MOK: variants seen among roughly 807,000 people sequenced by gnomAD.
MOK encodes MOK protein kinase.
In MOK, 59 loss-of-function variants were observed where a neutral mutation model predicts 54.2. The observed-to-expected ratio is 1.09, with a 90% CI of 0.88 to 1.35. MOK has a LOEUF of 1.35. Ranked by LOEUF, MOK falls within the 40% of genes most tolerant of loss-of-function variation. The probability of loss-of-function intolerance (pLI) is 0.00; values close to 1 mark genes in which losing one functional copy is unlikely to be tolerated. For missense variants in MOK, 517 were observed against 526.2 expected (o/e 0.98, Z 0.17); for synonymous variants, 210 against 202.7 (o/e 1.04, Z -0.31).
intron 2 of MOK, among the ~76,000 whole-genome samples, chr14:102,274,540 A>C (rs1042301689): frequency 6.7e-6 from 1 of 149,896 alleles, no homozygotes; most frequent in Non-Finnish European, 1.5e-5. Context: ...TACAGGCGTG[A>C]GAAACTGTGC....
chr14:102,264,132 AC>A (rs1231805682), intron 3 of MOK: 7 of 150,392 alleles, frequency 4.7e-5, no homozygotes, highest in African/African-American at 1.7e-4. Context: ...AATAGCTTAA[AC>A]CCGGGAGGCG....
chr14:102,224,036 GAT>G (rs1491139992), downstream of MOK, among the ~76,000 whole-genome samples: 5 of 139,442 alleles, frequency 3.6e-5, no homozygotes, highest in African/African-American at 1.3e-4. Context: ...GTTTACCTGA[GAT>G]TTTTTTTTTT....
At position 102,245,774 on chromosome 14, in the gene MOK, C is replaced by CA. The variant is rs1362541651; in HGVS notation, c.590+5037dup. ...TTCACATGGACGTGTGTGACACTTA[C>CA]AACCCCTACTGCAGCCAAACTCTCA... is the stretch of plus-strand genomic sequence containing the variant. On this transcript the variant is annotated intron_variant, in intron 7 of 11. Transcript: ENST00000361847. The surrounding 1 kb of genome is among the most constrained non-coding windows in gnomAD (Gnocchi z 4.3). Among the ~76,000 whole-genome samples, 1 of 152,158 alleles carries CA rather than the reference C, an allele frequency of 6.6e-6. No homozygotes were observed. Among genetic ancestry groups the CA allele is most frequent in the Non-Finnish European group, 1.5e-5 (1 of 68,024 alleles).
Position 102,229,549 on chromosome 14 carries a change from A to G in MOK, c.1090T>C (p.Ser364Pro), listed in dbSNP as rs776555918. Residue 364 changes from serine (S) to proline (P), a missense_variant, in exon 11 of 12, where the codon TCC becomes CCC. Ser to Pro is a moderately conservative substitution (Grantham distance 74). Transcript: ENST00000361847. ...LSGVVRLSSYSSPTLQSVLGS... is the reference protein window; with the variant it reads ...LSGVVRLSSYPSPTLQSVLGS... Reference sequence around the variant, plus strand: ...AGCACGGACTGCAGCGTGGGGCTGGAGTAAGACGACAGTCTGACCACTCCC... The same window carrying G: ...AGCACGGACTGCAGCGTGGGGCTGGGGTAAGACGACAGTCTGACCACTCCC... The G allele has an allele frequency of 6.2e-6, 10 of 1,614,154 alleles. No homozygotes were observed. In the South Asian group the frequency reaches 7.7e-5, roughly 12 times the overall value.
chr14:102,244,214 T>C (rs951978807), intron 7 of MOK, among the ~76,000 whole-genome samples: 1 of 152,220 alleles, frequency 6.6e-6, no homozygotes, highest in Non-Finnish European at 1.5e-5. Flanking sequence ...GCTGATAAGG[T>C]AGCTAAAGAA....
At chr14:102,298,219 T>C (rs1233752393) in intron 1 of MOK, among the ~76,000 whole-genome samples, 1 of 152,132 alleles carries the variant, frequency 6.6e-6, no homozygotes, top group Non-Finnish European at 1.5e-5. Context: ...CAATCAGCAC[T>C]CTGTGTCTAG....
intron 4 of MOK, among the ~76,000 whole-genome samples, chr14:102,256,185 C>T (rs1022915931): frequency 1.3e-4 from 19 of 151,934 alleles, no homozygotes; most frequent in Non-Finnish European, 2.1e-4. Context: ...CAGCCTCGAC[C>T]TCCTGGGCTC....
intron 1 of MOK, among the ~76,000 whole-genome samples, chr14:102,298,823 A>G (rs1306903854): frequency 6.6e-6 from 1 of 152,162 alleles, no homozygotes; most frequent in African/African-American, 2.4e-5. Flanking sequence ...TGCAACACTC[A>G]CTGCAAAGGT....
At chr14:102,283,455 C>G in intron 2 of MOK, 23 bp downstream of exon 2, 1 of 1,526,864 alleles carries the variant, frequency 6.5e-7, no homozygotes, top group Non-Finnish European at 9.0e-7. Context: ...GTGTTTGGTC[C>G]CAAGTGCATC....
intron 2 of MOK, among the ~76,000 whole-genome samples, chr14:102,269,469 CTT>C (rs549235481): frequency 2.8e-4 from 36 of 129,322 alleles, no homozygotes; most frequent in Admixed American, 2.4e-4. Context: ...CCACAACCAG[CTT>C]TTTTTTTTTT....
chr14:102,226,319 A>G (rs760073004), downstream of MOK: 36 of 703,078 alleles, frequency 5.1e-5, no homozygotes, highest in Non-Finnish European at 8.8e-5. This position sits in a 1 kb window ranked among gnomAD's most constrained non-coding sequence, Gnocchi z 4.8. Flanking sequence ...GCCGGGCAGC[A>G]TGCAGGTGCT....
In MOK at chr14:102,229,588, T is replaced by C; in HGVS notation, c.1051A>G (p.Lys351Glu). 6.2e-7 allele frequency: 1 copy of C among 1,614,214 alleles called. No individual in the cohort carries two copies. The highest frequency in any genetic ancestry group is 1.6e-4 in the Middle Eastern group (1 of 6,062). Residue 351 changes from lysine (K) to glutamate (E), a missense_variant, in exon 11 of 12, where the codon AAA becomes GAA. Physicochemically the swap from Lys to Glu is moderately conservative, Grantham distance 56. Coordinates refer to ENST00000361847, the MANE Select transcript of MOK (RefSeq NM_014226.3). ...CTGACCACTCCCGAAAGCTTTAGTT[T>C]GGGCAGTTCCATGACATAGGCCGGT... ...RGPAYVMELP[K>E]LKLSGVVRLS...
intron 1 of MOK, among the ~76,000 whole-genome samples, chr14:102,298,676 G>A (rs1567255305): frequency 6.6e-6 from 1 of 152,180 alleles, no homozygotes; most frequent in Non-Finnish European, 1.5e-5. Flanking sequence ...CCAGATAAGA[G>A]AATAAAAGCA....
intron 4 of MOK, among the ~76,000 whole-genome samples, chr14:102,254,408 G>A (rs1379385994): frequency 6.6e-6 from 1 of 152,156 alleles, no homozygotes; most frequent in African/African-American, 2.4e-5. Flanking sequence ...TTCCCAAGCT[G>A]ATAATTCTGG....
At chr14:102,275,385 A>C (rs1359802745) in intron 2 of MOK, among the ~76,000 whole-genome samples, 5 of 152,150 alleles carry the variant, frequency 3.3e-5, no homozygotes, top group Non-Finnish European at 5.9e-5. Context: ...TAACACGGTG[A>C]AACCCCGTCT....
chr14:102,293,302 C>T (rs375596740), intron 1 of MOK, among the ~76,000 whole-genome samples: 12 of 152,176 alleles, frequency 7.9e-5, no homozygotes, highest in African/African-American at 1.2e-4. Flanking sequence ...GATAACGATG[C>T]TTTCAAATAA....
At chr14:102,292,611 C>T (rs1214317714) in intron 1 of MOK, among the ~76,000 whole-genome samples, 19 of 152,108 alleles carry the variant, frequency 1.2e-4, no homozygotes, top group Admixed American at 1.2e-3. Context: ...GTCTTTCTTC[C>T]TTCTGTGTGC....
rs767783816 is a variant in MOK at position 102,229,574 on chromosome 14, C to T, written c.1065G>A (p.Ser355=). ...YVMELPKLKL[S]GVVRLSSYSS... ...AGTAAGACGACAGTCTGACCACTCC[C>T]GAAAGCTTTAGTTTGGGCAGTTCCA... The change falls in exon 11 of 12, where the codon TCG becomes TCA. Residue 355 remains serine, a synonymous_variant. Transcript: ENST00000361847. The T allele has an allele frequency of 3.7e-6, 6 of 1,614,050 alleles. No individual in the cohort carries two copies. Among genetic ancestry groups the T allele is most frequent in the African/African-American group, 1.3e-5 (1 of 74,908 alleles).
intron 4 of MOK, among the ~76,000 whole-genome samples, chr14:102,261,829 G>A (rs1291510344): frequency 2.0e-5 from 3 of 150,972 alleles, no homozygotes; most frequent in Admixed American, 1.3e-4. Flanking sequence ...AAGCCACCAC[G>A]CCCGGCCTTT....
Sources: gnomAD v4.1 joint callset for allele counts (sites outside exome capture counted in the v4.1 genomes callset) on GRCh38, gnomAD v4.1.1 for gene constraint, Gnocchi (gnomAD v3.1) non-coding constraint, MANE v1.5 for transcripts, NCBI Gene and HGNC (gene_info 2026-07-23, HGNC 2026-07-21) for gene names.